CPQ: variants seen among roughly 807,000 people sequenced by gnomAD.
CPQ encodes the protein Ser-Met dipeptidase.
A neutral mutation model predicts 45.7 loss-of-function variants in CPQ; 37 were observed. The ratio of observed to expected loss-of-function variants is 0.81; its 90% CI spans 0.62 to 1.07. CPQ has a LOEUF of 1.07. Among genes scored for constraint, CPQ ranks in the 50% least tolerant of loss-of-function variants. The pLI, the probability that CPQ is intolerant of heterozygous loss-of-function variation, is 0.00. For missense variants in CPQ, 537 were observed against 572.9 expected (o/e 0.94, Z 0.64); for synonymous variants, 186 against 205.8 (o/e 0.90, Z 0.82).
intron 1 of CPQ, among the ~76,000 whole-genome samples, chr8:96,671,345 G>T (rs371560145): frequency 6.6e-6 from 1 of 152,316 alleles, no homozygotes; most frequent in Non-Finnish European, 1.5e-5. Flanking sequence ...GCATATGCAA[G>T]TATGTCTGAG....
At chr8:97,092,566 T>C (rs954381758) in intron 7 of CPQ, 52 of 152,084 alleles carry the variant, frequency 3.4e-4, no homozygotes, top group African/African-American at 1.2e-3. Flanking sequence ...TAAAAAACAA[T>C]GGGGAAAGGA....
rs150827491 is a variant in CPQ at position 96,956,857 on chromosome 8, C to T, written c.850-9078C>T. 6.3e-4 allele frequency among the ~76,000 whole-genome samples: 96 copies of T among 152,252 alleles called. No individual in the cohort carries two copies. In the East Asian group the frequency reaches 0.017, roughly 27 times the overall value. ...CACAGGAGTTATTAACTGCGATGAC[C>T]GGGCTAATACTATGTGAGGTGGAGT... On this transcript the variant is annotated intron_variant, in intron 4 of 7. Transcript: ENST00000220763.
In CPQ at chr8:96,995,338, A is replaced by G. The variant is rs142965755; in HGVS notation, c.961+29292A>G. ...GAAATTGTGGTGGTTGTTGTTTTAT[A>G]ATGGCTGAATATGAGAGAACTGTTA... On this transcript the variant is annotated intron_variant, in intron 5 of 7. Coordinates refer to ENST00000220763, the MANE Select transcript of CPQ (RefSeq NM_016134.4). Among the ~76,000 whole-genome samples, 285 of 152,192 alleles carry G rather than the reference A, an allele frequency of 1.9e-3. 3 individuals are homozygous for G. The highest frequency in any genetic ancestry group is 6.6e-3 in the African/African-American group (276 of 41,548).
At chr8:96,761,609 A>G (rs1196850042) in intron 1 of CPQ, 1 of 152,184 alleles carries the variant, frequency 6.6e-6, no homozygotes, top group Non-Finnish European at 1.5e-5. Context: ...GCAGTCACAG[A>G]TCTGGGTACC....
intron 7 of CPQ, among the ~76,000 whole-genome samples, chr8:97,114,207 A>G (rs1811545528): frequency 6.6e-6 from 1 of 152,214 alleles, no homozygotes; most frequent in Non-Finnish European, 1.5e-5. Context: ...GAGAAGAGGA[A>G]ACCAGGGGTA....
chr8:96,902,452 A>C (rs116001708), intron 4 of CPQ, among the ~76,000 whole-genome samples: 3,150 of 152,242 alleles, frequency 0.021, 112 homozygotes, highest in African/African-American at 0.072. Flanking sequence ...CTTATTTCTC[A>C]TGTACCTGTT....
intron 6 of CPQ, among the ~76,000 whole-genome samples, chr8:97,040,042 C>T (rs1350133138): frequency 6.6e-6 from 1 of 151,338 alleles, no homozygotes; most frequent in Non-Finnish European, 1.5e-5. Context: ...GTTCTAGATC[C>T]CTGAGGAATC....
intron 1 of CPQ, among the ~76,000 whole-genome samples, chr8:96,645,917 G>A (rs1815513938): frequency 1.3e-5 from 2 of 151,040 alleles, no homozygotes; most frequent in Admixed American, 1.3e-4. Flanking sequence ...TTCCATGAGG[G>A]CAAAGTCCCA....
At chr8:96,777,874 G>A (rs1185381043) in intron 1 of CPQ, among the ~76,000 whole-genome samples, 18 of 133,594 alleles carry the variant, frequency 1.3e-4, no homozygotes, top group East Asian at 2.6e-4. Flanking sequence ...GACTACAGGC[G>A]CCCTCCACCA....
intron 4 of CPQ, among the ~76,000 whole-genome samples, chr8:96,960,777 A>G (rs941796763): frequency 2.6e-5 from 4 of 152,038 alleles, no homozygotes; most frequent in Admixed American, 2.6e-4. Context: ...GTTGAAATTT[A>G]TATTATAGAA....
At chr8:96,988,479 TTTTA>T (rs1809031235) in intron 5 of CPQ, among the ~76,000 whole-genome samples, 1 of 152,236 alleles carries the variant, frequency 6.6e-6, no homozygotes. Flanking sequence ...GTAAATGTTT[TTTTA>T]TTTCTCTCTC....
At chr8:96,658,996 G>C (rs1460379937) in intron 1 of CPQ, among the ~76,000 whole-genome samples, 1 of 152,188 alleles carries the variant, frequency 6.6e-6, no homozygotes, top group Non-Finnish European at 1.5e-5. Flanking sequence ...TTTTGTTACA[G>C]CAGAAATAGG....
chr8:97,101,949 TCC>T (rs1391764375), intron 7 of CPQ, among the ~76,000 whole-genome samples: 1,988 of 133,860 alleles, frequency 0.015, 24 homozygotes, highest in African/African-American at 0.046. Flanking sequence ...TCTCCCTCCC[TCC>T]CTCTCTCTCT....
At chr8:96,793,201 A>G (rs973536923) in intron 2 of CPQ, among the ~76,000 whole-genome samples, 3 of 152,212 alleles carry the variant, frequency 2.0e-5, no homozygotes, top group African/African-American at 7.2e-5. Flanking sequence ...ATGTACATAA[A>G]TATAAAAATA....
chr8:96,790,236 G>A (rs945703326), intron 2 of CPQ, among the ~76,000 whole-genome samples: 3 of 152,122 alleles, frequency 2.0e-5, no homozygotes, highest in Non-Finnish European at 4.4e-5. Flanking sequence ...TCGTGCTACT[G>A]CAAGGGAGCT....
chr8:96,760,669 G>T (rs1013167128), intron 1 of CPQ, among the ~76,000 whole-genome samples: 5 of 152,122 alleles, frequency 3.3e-5, no homozygotes, highest in African/African-American at 9.7e-5. Context: ...CCAAAGAGAA[G>T]AAAAACTGTG....
intron 2 of CPQ, among the ~76,000 whole-genome samples, chr8:96,826,427 A>G (rs1811379365): frequency 6.6e-6 from 1 of 152,010 alleles, no homozygotes. Context: ...AACAACCTCC[A>G]AAATCTCAGT....
At chr8:96,645,594 G>A (rs1322031010) in intron 1 of CPQ, among the ~76,000 whole-genome samples, 192 bp downstream of exon 1, 1 of 152,078 alleles carries the variant, frequency 6.6e-6, no homozygotes, top group Non-Finnish European at 1.5e-5. Flanking sequence ...GGGAGCCTGT[G>A]GCTGCCCCTT....
intron 5 of CPQ, among the ~76,000 whole-genome samples, chr8:97,003,428 GA>G (rs1563551405): frequency 1.3e-5 from 2 of 151,530 alleles, no homozygotes; most frequent in African/African-American, 2.4e-5. Context: ...TTTTTTAGTG[GA>G]AAAAAAGACT....
Sources: gnomAD v4.1 joint callset for allele counts (sites outside exome capture counted in the v4.1 genomes callset) on GRCh38, gnomAD v4.1.1 for gene constraint, MANE v1.5 for transcripts, NCBI Gene and HGNC (gene_info 2026-07-23, HGNC 2026-07-21) for gene names.